Variants in GRHL2 observed in about 807,000 individuals in gnomAD.
The protein encoded by GRHL2 is grainyhead-like protein 2 homolog.
A neutral mutation model predicts 83.8 loss-of-function variants in GRHL2; 21 were observed. The observed-to-expected ratio is 0.25, with a 90% CI of 0.18 to 0.36. The LOEUF (loss-of-function observed/expected upper bound fraction) is 0.36. Among genes scored for constraint, GRHL2 ranks in the 10% least tolerant of loss-of-function variants. The pLI, the probability that GRHL2 is intolerant of heterozygous loss-of-function variation, is 1.00. For synonymous variants in GRHL2, 280 were observed against 278.9 expected, an observed-to-expected ratio of 1.00 and a Z score of -0.04; for missense variants, 623 against 781.8, an observed-to-expected ratio of 0.80 and a Z score of 2.42.
intron 11 of GRHL2, 68 bp from the exon 12 acceptor site, chr8:101,636,829 T>C (rs1813296802): frequency 7.2e-7 from 1 of 1,391,666 alleles, no homozygotes; most frequent in African/African-American, 1.4e-5. Context: ...GGAAAGTCTG[T>C]ACATCACGTA....
chr8:101,581,950 G>A (rs1330251943), intron 7 of GRHL2, among the ~76,000 whole-genome samples: 3 of 152,152 alleles, frequency 2.0e-5, no homozygotes, highest in African/African-American at 4.8e-5. Flanking sequence ...AAAAAAGTGG[G>A]ACTGAAGCTG....
chr8:101,627,232 T>C (rs938206178), intron 9 of GRHL2, among the ~76,000 whole-genome samples: 3 of 152,114 alleles, frequency 2.0e-5, no homozygotes, highest in Admixed American at 2.0e-4. Flanking sequence ...GTGACAACCC[T>C]GTATTGATCA....
chr8:101,516,789 A>T (rs1450713588), intron 1 of GRHL2, among the ~76,000 whole-genome samples: 2 of 152,162 alleles, frequency 1.3e-5, no homozygotes. Flanking sequence ...TTATCTATTC[A>T]CTTCCAACCA....
chr8:101,492,479 C>T lies in GRHL2; in HGVS notation c.-291C>T. 2 of 554,524 alleles carry T rather than the reference C, an allele frequency of 3.6e-6. No individual in the cohort carries two copies. Among genetic ancestry groups the T allele is most frequent in the Admixed American group, 6.2e-5 (2 of 32,488 alleles). The allele number at this position is 554,524 out of a possible 1,614,324, so 34.4% of individuals were successfully genotyped here. On this transcript the variant is annotated 5_prime_UTR_variant, in exon 1 of 16. Transcript: ENST00000646743. The stretch of plus-strand genomic sequence containing the variant: ...GGCCGCCCAAGTCCGCCACTTTCTG[C>T]TCTGTGTCTGCCCATTGCCACGATC...
chr8:101,535,231 T>C (rs1811020549), intron 1 of GRHL2, among the ~76,000 whole-genome samples: 1 of 152,216 alleles, frequency 6.6e-6, no homozygotes, highest in African/African-American at 2.4e-5. Flanking sequence ...TGACACACTT[T>C]AGATGTAAGA....
the GRHL2 span, among the ~76,000 whole-genome samples, chr8:101,676,664 G>A: frequency 6.6e-6 from 1 of 152,050 alleles, no homozygotes; most frequent in East Asian, 1.9e-4. Flanking sequence ...GATTCCTCAG[G>A]GATCTAGAAC....
intron 4 of GRHL2, among the ~76,000 whole-genome samples, chr8:101,565,682 C>A (rs1412647991): frequency 6.6e-6 from 1 of 152,150 alleles, no homozygotes; most frequent in Admixed American, 6.5e-5. Context: ...GCAACTGCAC[C>A]ATCTCACATT....
intron 8 of GRHL2, among the ~76,000 whole-genome samples, chr8:101,599,717 T>A (rs1013488266): frequency 6.6e-6 from 1 of 152,160 alleles, no homozygotes; most frequent in Non-Finnish European, 1.5e-5. Flanking sequence ...GGTTAAGAAG[T>A]ACAAAGGTAA....
chr8:101,616,581 C>A (rs1812862579), intron 8 of GRHL2, among the ~76,000 whole-genome samples: 1 of 152,186 alleles, frequency 6.6e-6, no homozygotes, highest in Non-Finnish European at 1.5e-5. Flanking sequence ...TGTCAGACCC[C>A]TGCTCTAAGC....
chr8:101,543,078 AT>A (rs1415616045), intron 1 of GRHL2, among the ~76,000 whole-genome samples, 162 bp from the exon 2 acceptor site: 1 of 152,268 alleles, frequency 6.6e-6, no homozygotes, highest in Non-Finnish European at 1.5e-5. Flanking sequence ...CAGTAAAAAA[AT>A]AAATCAGTAG....
At chr8:101,659,630 C>A (rs533632628) in intron 14 of GRHL2, among the ~76,000 whole-genome samples, 1 of 152,310 alleles carries the variant, frequency 6.6e-6, no homozygotes, top group East Asian at 1.9e-4. Context: ...GGATGCAGAA[C>A]CAGCTCCCCT....
chr8:101,570,270 A>G (rs960398282), intron 4 of GRHL2, 69 bp from the exon 5 acceptor site: 50 of 1,151,648 alleles, frequency 4.3e-5, no homozygotes, highest in African/African-American at 1.2e-4. Flanking sequence ...GTTTGGATAC[A>G]TTTATTATTA....
chr8:101,675,430 G>A, the GRHL2 span, among the ~76,000 whole-genome samples: 2 of 151,982 alleles, frequency 1.3e-5, no homozygotes, highest in African/African-American at 2.4e-5. Context: ...CAAACACAGA[G>A]CCAAATCATG....
At chr8:101,568,090 G>A (rs990459674) in intron 4 of GRHL2, among the ~76,000 whole-genome samples, 3 of 152,124 alleles carry the variant, frequency 2.0e-5, no homozygotes, top group African/African-American at 7.2e-5. Flanking sequence ...CTGCAATGAT[G>A]GAAATTTTTT....
chr8:101,652,614 G>T (rs7463935), intron 14 of GRHL2, among the ~76,000 whole-genome samples: 611 of 37,688 alleles, frequency 0.016, 15 homozygotes, highest in Middle Eastern at 0.13. Context: ...TGTGTGTGTG[G>T]TGTGTGTGTG....
At chr8:101,506,060 G>C (rs1810335292) in intron 1 of GRHL2, among the ~76,000 whole-genome samples, 1 of 152,198 alleles carries the variant, frequency 6.6e-6, no homozygotes, top group Non-Finnish European at 1.5e-5. Context: ...GGAAGAAGTT[G>C]AAAATGTTTT....
chr8:101,584,140 G>T (rs1412585531), intron 7 of GRHL2, among the ~76,000 whole-genome samples: 1 of 152,112 alleles, frequency 6.6e-6, no homozygotes, highest in East Asian at 1.9e-4. Flanking sequence ...TTCAATGTTG[G>T]TTCACAGTAA....
intron 9 of GRHL2, among the ~76,000 whole-genome samples, chr8:101,622,201 A>G (rs1157119478): frequency 6.6e-6 from 1 of 152,218 alleles, no homozygotes; most frequent in Non-Finnish European, 1.5e-5. Flanking sequence ...CAACAGCAAC[A>G]CCTTGTCAGA....
chr8:101,659,390 C>T (rs564467344), intron 14 of GRHL2, among the ~76,000 whole-genome samples: 3 of 152,264 alleles, frequency 2.0e-5, no homozygotes, highest in Admixed American at 2.0e-4. Context: ...ACTGTTTGGG[C>T]ATCTGTAGAC....
Sources: allele counts gnomAD v4.1 joint callset (sites outside exome capture counted in the v4.1 genomes callset), GRCh38; gene constraint gnomAD v4.1.1; transcripts MANE v1.5; gene names NCBI Gene and HGNC (gene_info 2026-07-23, HGNC 2026-07-21).